SLC27A3: variants seen among roughly 807,000 people sequenced by gnomAD.
SLC27A3 encodes solute carrier family 27 member 3.
Under a neutral mutation model 60.1 loss-of-function variants are expected in SLC27A3, and 60 were observed. That is an observed-to-expected ratio of 1.00 (90% CI 0.81 to 1.24). The LOEUF is 1.24. SLC27A3 is among the 50% of genes most tolerant of loss of function. The pLI is 0.00. For synonymous variants in SLC27A3, 455 were observed against 409.0 expected (o/e 1.11, Z -1.36); for missense variants, 1,079 against 929.9 (o/e 1.16, Z -2.09).
In SLC27A3 at chr1:153,775,955, G is replaced by C. The variant is rs1181406286; in HGVS notation, c.458G>C (p.Gly153Ala). Residue 153 changes from glycine to alanine, a missense_variant, in exon 1 of 10, where the codon GGT becomes GCT. Gly to Ala is a moderately conservative substitution (Grantham distance 60). Coordinates refer to ENST00000624995, the MANE Select transcript of SLC27A3 (RefSeq NM_024330.4). Reference sequence around the variant, plus strand: ...GGCGCGGAGTTTGCCGGAGGGGACGGTGCCGCCAGAGGTGGAGGAGCCGCC... The same window carrying C: ...GGCGCGGAGTTTGCCGGAGGGGACGCTGCCGCCAGAGGTGGAGGAGCCGCC... ...GSGAEFAGGD[G>A]AARGGGAAAP... The C allele has an allele frequency of 6.9e-7, 1 of 1,445,912 alleles. No homozygotes were observed. The highest frequency in any genetic ancestry group is 2.7e-5 in the East Asian group (1 of 37,252). The allele number at this position is 1,445,912 out of a possible 1,614,324, so 89.6% of individuals were successfully genotyped here.
intron 6 of SLC27A3, 55 bp from the exon 7 acceptor site, chr1:153,778,632 G>T: frequency 6.2e-7 from 1 of 1,610,458 alleles, no homozygotes; most frequent in Non-Finnish European, 8.5e-7. Flanking sequence ...GGGTGGATGG[G>T]GGCAGAAGGC....
chr1:153,779,608 G>GA, intron 9 of SLC27A3, 135 bp downstream of exon 9: 1 of 1,106,578 alleles, frequency 9.0e-7, no homozygotes, highest in Non-Finnish European at 1.3e-6. Flanking sequence ...ACTCCGTGAA[G>GA]AGAAAAAACA....
chr1:153,775,944 C>T lies in SLC27A3; in HGVS notation c.447C>T (p.Ala149=). 1 of 1,448,596 alleles carries T rather than the reference C, an allele frequency of 6.9e-7. No homozygotes were observed. The highest frequency in any genetic ancestry group is 1.4e-5 in the South Asian group (1 of 69,612). The allele number at this position is 1,448,596 out of a possible 1,614,324, so 89.7% of individuals were successfully genotyped here. A position where few individuals can be genotyped will look rare whatever the true frequency, so the allele number is the denominator to read the frequency against. Residue 149 remains alanine (A), a synonymous_variant, in exon 1 of 10, where the codon GCC becomes GCT. Transcript: ENST00000624995. ...DAAAGSGAEF[A]GGDGAARGGG... ...CGGCCGGAAGCGGCGCGGAGTTTGC[C>T]GGAGGGGACGGTGCCGCCAGAGGTG...
chr1:153,779,057 C>A, intron 7 of SLC27A3, 57 bp from the exon 8 acceptor site: 2 of 1,568,502 alleles, frequency 1.3e-6, no homozygotes, highest in East Asian at 2.2e-5. Flanking sequence ...ATCTCCCCAC[C>A]AAGCCCATAA....
Position 153,775,805 on chromosome 1 carries a change from C to T in SLC27A3, c.308C>T (p.Ala103Val), listed in dbSNP as rs1368211656. ...GAGGCGGAGCGCGAGAGTAACAGGG[C>T]TGCACGCGCCTTCCTACGTGCGCTA... ...YSEAERESNRAARAFLRALGW... is the reference protein window; with the variant it reads ...YSEAERESNRVARAFLRALGW... The change falls in exon 1 of 10, where the codon GCT (alanine) becomes GTT (valine). Residue 103 changes from alanine to valine, a missense_variant. Physicochemically the swap from Ala to Val is moderately conservative, Grantham distance 64. Coordinates refer to ENST00000624995, the MANE Select transcript of SLC27A3 (RefSeq NM_024330.4). 2 of 1,496,920 alleles carry T rather than the reference C, an allele frequency of 1.3e-6. No homozygotes were observed. Among genetic ancestry groups the T allele is most frequent in the Middle Eastern group, 1.9e-4 (1 of 5,152 alleles). The allele number at this position is 1,496,920 out of a possible 1,614,324, so 92.7% of individuals were successfully genotyped here. A position where few individuals can be genotyped will look rare whatever the true frequency, so the allele number is the denominator to read the frequency against.
Position 153,779,876 on chromosome 1 carries a change from A to G in SLC27A3, c.1926A>G (p.Ala642=), listed in dbSNP as rs760623188. 6.2e-7 allele frequency: 1 copy of G among 1,613,896 alleles called. No homozygotes were observed. Among genetic ancestry groups the G allele is most frequent in the Non-Finnish European group, 8.5e-7 (1 of 1,180,004 alleles). Residue 642 remains alanine (A), a synonymous_variant, in exon 10 of 10, where the codon GCA becomes GCG. Transcript: ENST00000624995. The stretch of plus-strand genomic sequence containing the variant: ...TCAAACAGCAGAAAGTTCGGATGGC[A>G]AATGAGGGCTTCGACCCCAGCACCC... ...ETFKQQKVRM[A]NEGFDPSTLS... is the part of the protein sequence containing the mutation.
intron 1 of SLC27A3, 57 bp downstream of exon 1, chr1:153,776,221 C>A: frequency 7.1e-7 from 1 of 1,403,196 alleles, no homozygotes; most frequent in South Asian, 1.6e-5. Context: ...GGGGGCGTGT[C>A]GGAGACCACA....
chr1:153,776,108 G>C lies in SLC27A3; in HGVS notation c.611G>C (p.Gly204Ala). The change falls in exon 1 of 10, where the codon GGC becomes GCC. Residue 204 changes from glycine (G) to alanine (A), a missense_variant. Transcript: ENST00000624995. The stretch of plus-strand genomic sequence containing the variant: ...TTTGTGCCCACCGCCCTGCGCCGGG[G>C]CCCCCTGCTGCACTGCCTCCGCAGC... Reference protein sequence around the residue: ...TAFVPTALRRGPLLHCLRSCG... With the variant: ...TAFVPTALRRAPLLHCLRSCG... 6.8e-7 allele frequency: 1 copy of C among 1,472,478 alleles called. No individual in the cohort carries two copies. The allele number at this position is 1,472,478 out of a possible 1,614,324, so 91.2% of individuals were successfully genotyped here.
chr1:153,777,262 A>G, intron 3 of SLC27A3, 42 bp downstream of exon 3: 1 of 1,609,180 alleles, frequency 6.2e-7, no homozygotes, highest in Non-Finnish European at 8.5e-7. Context: ...CATCCAGTAG[A>G]CATTTATTAA....
rs1429185120 is a variant in SLC27A3, at chr1:153,780,045, G to T, written c.*43G>T. The T allele has an allele frequency of 1.3e-6, 2 of 1,559,554 alleles. No individual in the cohort carries two copies. The highest frequency in any genetic ancestry group is 2.7e-5 in the African/African-American group (2 of 73,358). On this transcript the variant is annotated 3_prime_UTR_variant, in exon 10 of 10. Coordinates refer to ENST00000624995, the MANE Select transcript of SLC27A3 (RefSeq NM_024330.4). ...GCACCTGAGAGAGGAACTCTGTGGG[G>T]TGGGGGCCGTTGCAGGTGTACTGGG...
chr1:153,780,023 C>CA lies in SLC27A3; in HGVS notation c.*21_*22insA. On this transcript the variant is annotated 3_prime_UTR_variant, in exon 10 of 10. Transcript: ENST00000624995. ...TCTGAGAACTTCCACACCTGAGGCACCTGAGAGAGGAACTCTGTGGGGTGG... is the reference window on the plus strand; with the variant it reads ...TCTGAGAACTTCCACACCTGAGGCACACTGAGAGAGGAACTCTGTGGGGTGG... 3 of 1,597,818 alleles carry CA rather than the reference C, an allele frequency of 1.9e-6. No homozygotes were observed. The highest frequency in any genetic ancestry group is 2.6e-6 in the Non-Finnish European group (3 of 1,171,096).
At position 153,779,492 on chromosome 1, in the gene SLC27A3, C is replaced by T. The variant is rs780518427; in HGVS notation, c.1875+19C>T. 2.1e-5 allele frequency: 34 copies of T among 1,607,720 alleles called. No individual in the cohort carries two copies. Among genetic ancestry groups the T allele is most frequent in the African/African-American group, 1.2e-4 (9 of 74,844 alleles). ...GCTCCAGGTAACCGGCCACTTCCCCCGCCGGCCCCTCACCCCATATATCCT... is the reference window on the plus strand; with the variant it reads ...GCTCCAGGTAACCGGCCACTTCCCCTGCCGGCCCCTCACCCCATATATCCT... On this transcript the variant is annotated intron_variant, in intron 9 of 9. Coordinates refer to ENST00000624995, the MANE Select transcript of SLC27A3 (RefSeq NM_024330.4).
intron 1 of SLC27A3, 46 bp downstream of exon 1, chr1:153,776,210 AG>A: frequency 1.4e-6 from 2 of 1,405,880 alleles, no homozygotes; most frequent in Non-Finnish European, 1.8e-6. Context: ...CAGCCACAGA[AG>A]GGGGCGTGTC....
Position 153,776,591 on chromosome 1 carries a change from A to G in SLC27A3, c.741A>G (p.Pro247=), listed in dbSNP as rs1269939622. The G allele has an allele frequency of 6.2e-7, 1 of 1,614,230 alleles. No homozygotes were observed. The highest frequency in any genetic ancestry group is 2.2e-5 in the East Asian group (1 of 44,886). Residue 247 remains proline (P), a synonymous_variant, in exon 2 of 10, where the codon CCA becomes CCG. Transcript: ENST00000624995. ...GGCTCCACCTGTGGGCTGCAGGCCC[A>G]GGAACCCACCCTGCTGGAATTAGCG... ...AMGLHLWAAG[P]GTHPAGISDL...
Position 153,777,881 on chromosome 1 carries a change from C to T in SLC27A3, c.1157C>T (p.Pro386Leu), listed in dbSNP as rs747928166. The T allele has an allele frequency of 4.0e-5, 65 of 1,614,080 alleles. 1 individual carries two copies. Among genetic ancestry groups the T allele is most frequent in the South Asian group, 3.2e-4 (29 of 91,084 alleles). Reference sequence around the variant, plus strand: ...CTGTGCCGATACCTTGTCAACCAGCCCCCGGTGCGTGGGCACAGATCCTGG... The same window carrying T: ...CTGTGCCGATACCTTGTCAACCAGCTCCCGGTGCGTGGGCACAGATCCTGG... The part of the protein sequence containing the change: ...GELCRYLVNQ[P>L]PSKAERGHKV... Residue 386 changes from proline to leucine, a missense_variant, in exon 4 of 10, where the codon CCC becomes CTC. Physicochemically the swap from Pro to Leu is moderately conservative, Grantham distance 98 (BLOSUM62 -3). Transcript: ENST00000624995.
rs769324071 is a variant in SLC27A3, at chr1:153,779,990, C to A, written c.2040C>A (p.Asn680Lys). Residue 680 changes from asparagine to lysine, a missense_variant, in exon 10 of 10, where the codon AAC becomes AAA. Physicochemically the swap from Asn to Lys is moderately conservative, Grantham distance 94. Coordinates refer to ENST00000624995, the MANE Select transcript of SLC27A3 (RefSeq NM_024330.4). The part of the protein sequence containing the change: ...TARYSALLAG[N>K]LRI ...GGTACAGCGCCCTCCTGGCAGGAAA[C>A]CTTCGAATCTGAGAACTTCCACACC... 7.4e-6 allele frequency: 12 copies of A among 1,612,384 alleles called. No individual in the cohort carries two copies. Among genetic ancestry groups the A allele is most frequent in the Non-Finnish European group, 7.6e-6 (9 of 1,179,268 alleles).
At chr1:153,779,026 G>A in intron 7 of SLC27A3, 88 bp from the exon 8 acceptor site, 1 of 1,486,128 alleles carries the variant, frequency 6.7e-7, no homozygotes, top group Non-Finnish European at 9.4e-7. Flanking sequence ...TTTCATCCCT[G>A]TGACACTGAC....
In SLC27A3 at chr1:153,775,528, C is replaced by CT. The variant is rs780537591; in HGVS notation, c.32dup (p.Leu12ValfsTer81). On this transcript the variant is annotated frameshift_variant, in exon 1 of 10. Coordinates refer to ENST00000624995, the MANE Select transcript of SLC27A3 (RefSeq NM_024330.4). LOFTEE classifies it high-confidence loss of function. ...TGCCCTCCTGCTGCTGCCCCTGCTG[C>CT]TGTTGCTACCGCTGCTGCTGCTGAA... 3 of 1,612,868 alleles carry CT rather than the reference C, an allele frequency of 1.9e-6. No individual in the cohort carries two copies. The highest frequency in any genetic ancestry group is 1.7e-4 in the Middle Eastern group (1 of 6,054).
chr1:153,778,859 C>T lies in SLC27A3; in HGVS notation c.1620C>T (p.Phe540=), dbSNP rs745943204. ...GCGATGACCAAGGTTTTCTCCGCTTCCATGATCGTACTGGAGACACCTTCA... is the reference window on the plus strand; with the variant it reads ...GCGATGACCAAGGTTTTCTCCGCTTTCATGATCGTACTGGAGACACCTTCA... ...LVCDDQGFLR[F]HDRTGDTFRW... is the part of the protein sequence containing the mutation. The change falls in exon 7 of 10, where the codon TTC becomes TTT. Residue 540 remains phenylalanine (F), a synonymous_variant. Transcript: ENST00000624995. 18 of 1,614,156 alleles carry T rather than the reference C, an allele frequency of 1.1e-5. No individual in the cohort carries two copies. The highest frequency in any genetic ancestry group is 3.3e-5 in the South Asian group (3 of 91,086).
Sources: allele counts gnomAD v4.1 joint callset, GRCh38; gene constraint gnomAD v4.1.1; transcripts MANE v1.5; gene names NCBI Gene and HGNC (gene_info 2026-07-23, HGNC 2026-07-21).